Variants in WDR25 observed in about 807,000 individuals in gnomAD.
The protein encoded by WDR25 is WD repeat domain 25.
Under a neutral mutation model 47.7 loss-of-function variants are expected in WDR25, and 35 were observed. That is an observed-to-expected ratio of 0.73 (90% CI 0.56 to 0.97). The LOEUF (loss-of-function observed/expected upper bound fraction) is 0.97, where lower values mean the gene tolerates loss of function less well. WDR25 is among the 50% of genes least tolerant of loss of function. WDR25 has a pLI of 0.00. For synonymous variants in WDR25, 248 were observed against 278.9 expected (o/e 0.89, Z 1.10); for missense variants, 634 against 704.7 (o/e 0.90, Z 1.14).
At chr14:100,508,133 A>G (rs1901179859) in intron 4 of WDR25, among the ~76,000 whole-genome samples, 1 of 152,238 alleles carries the variant, frequency 6.6e-6, no homozygotes. Flanking sequence ...GTGAATCAAC[A>G]AATGTGATTC....
intron 2 of WDR25, among the ~76,000 whole-genome samples, chr14:100,412,759 C>G (rs1897747981): frequency 6.6e-6 from 1 of 152,106 alleles, no homozygotes; most frequent in Non-Finnish European, 1.5e-5. Context: ...CAGGCCAGAT[C>G]ACGAAAGGCC....
At chr14:100,378,588 A>G (rs1293230149) in intron 1 of WDR25, among the ~76,000 whole-genome samples, 1 of 152,130 alleles carries the variant, frequency 6.6e-6, no homozygotes, top group Admixed American at 6.5e-5. Context: ...GTAGACGGAC[A>G]CCTCAGGACC....
Position 100,392,016 on chromosome 14 carries a change from C to G in WDR25, c.822+10270C>G, listed in dbSNP as rs1897157169. 6.6e-6 allele frequency among the ~76,000 whole-genome samples: 1 copy of G among 152,134 alleles called. No homozygotes were observed. Among genetic ancestry groups the G allele is most frequent in the African/African-American group, 2.4e-5 (1 of 41,430 alleles). The stretch of plus-strand genomic sequence containing the variant: ...AGATCTGCAAAAATGTAAACAATGC[C>G]TTCTTACTAATTTTTCTTGGTCTTG... On this transcript the variant is annotated intron_variant, in intron 2 of 6. Transcript: ENST00000402312. This position sits in a 1 kb window ranked among gnomAD's most constrained non-coding sequence, Gnocchi z 4.2.
At position 100,379,390 on chromosome 14, in the gene WDR25, C is replaced by CTTTTTTTTTTTTT. The variant is rs148841833; in HGVS notation, c.-15-1517_-15-1505dup. Among the ~76,000 whole-genome samples the CTTTTTTTTTTTTT allele has an allele frequency of 3.0e-5, 4 of 135,450 alleles. No homozygotes were observed. In the East Asian group the frequency reaches 6.4e-4, roughly 22 times the overall value. 88.9% of individuals were successfully genotyped at this position (135,450 alleles called of 152,430 possible). A position where few individuals can be genotyped will look rare whatever the true frequency, so the allele number is the denominator to read the frequency against. On this transcript the variant is annotated intron_variant, in intron 1 of 6. Coordinates refer to ENST00000402312, the MANE Select transcript of WDR25 (RefSeq NM_001161476.3). Reference sequence around the variant, plus strand: ...GTCTCTTCAGGTCTTCTTTTTTTTTCTTTTTTTTTTTTTTTGAGATGGAGT... The same window carrying CTTTTTTTTTTTTT: ...GTCTCTTCAGGTCTTCTTTTTTTTTCTTTTTTTTTTTTTTTTTTTTTTTTTTTTGAGATGGAGT...
chr14:100,383,042 C>T (rs1896941402), intron 2 of WDR25, among the ~76,000 whole-genome samples: 2 of 152,188 alleles, frequency 1.3e-5, no homozygotes, highest in Non-Finnish European at 2.9e-5. Flanking sequence ...GAGCTTTTCT[C>T]CCTCGGAAAC....
Position 100,468,775 on chromosome 14 carries a change from C to CTGTGG in WDR25, c.970+607_970+608insTGTGG, listed in dbSNP as rs1255180616. On this transcript the variant is annotated intron_variant, in intron 3 of 6. Transcript: ENST00000402312. This position sits in a 1 kb window ranked among gnomAD's most constrained non-coding sequence, Gnocchi z 4.5. ...TCAATACCCACCGCAGCCACAGCCCCCAGGTGGGCTCTCTCCGGGGTTTAC... is the reference window on the plus strand; with the variant it reads ...TCAATACCCACCGCAGCCACAGCCCCTGTGGCAGGTGGGCTCTCTCCGGGGTTTAC... 9.9e-5 allele frequency among the ~76,000 whole-genome samples: 15 copies of CTGTGG among 152,088 alleles called. No homozygotes were observed. Among genetic ancestry groups the CTGTGG allele is most frequent in the African/African-American group, 3.6e-4 (15 of 41,392 alleles).
At chr14:100,519,715 T>C (rs1373113776) in intron 4 of WDR25, among the ~76,000 whole-genome samples, 1 of 142,174 alleles carries the variant, frequency 7.0e-6, no homozygotes, top group Non-Finnish European at 1.5e-5. Flanking sequence ...ATATATAGTG[T>C]ATATATACTA....
At chr14:100,397,304 A>G (rs963514957) in intron 2 of WDR25, among the ~76,000 whole-genome samples, 1 of 152,206 alleles carries the variant, frequency 6.6e-6, no homozygotes, top group African/African-American at 2.4e-5. Context: ...TCTGTAACAA[A>G]ATCTGTTTCT....
rs530620704 is a variant in WDR25, at chr14:100,440,640, T to C, written c.823-27381T>C. ...GCTATACGCATCCTTCCAGGCAACC[T>C]TCACCTTCTGGTCTATTTAGTCTCA... On this transcript the variant is annotated intron_variant, in intron 2 of 6. Transcript: ENST00000402312. The surrounding 1 kb of genome is among the most constrained non-coding windows in gnomAD (Gnocchi z 4.4). 6.6e-6 allele frequency among the ~76,000 whole-genome samples: 1 copy of C among 152,376 alleles called. No homozygotes were observed. The highest frequency in any genetic ancestry group is 1.5e-5 in the Non-Finnish European group (1 of 68,030).
chr14:100,390,880 T>A (rs905011764), intron 2 of WDR25, among the ~76,000 whole-genome samples: 1 of 152,226 alleles, frequency 6.6e-6, no homozygotes, highest in African/African-American at 2.4e-5. Flanking sequence ...AATTTAATGG[T>A]GTCTTGTTTG....
At chr14:100,376,594 G>T (rs924193504) in intron 1 of WDR25, 99 bp downstream of exon 1, 1 of 1,231,930 alleles carries the variant, frequency 8.1e-7, no homozygotes, top group African/African-American at 1.5e-5. Context: ...ATAGCCGCTC[G>T]CCTTCCTTTC....
rs1293818914 is a variant in WDR25, at chr14:100,468,726, A to G, written c.970+558A>G. ...TCAGTGGAAGGAACTTTCCTTACTC[A>G]GCGCTCCTGTGCAACAGGCACTGTC... is the stretch of plus-strand genomic sequence containing the variant. On this transcript the variant is annotated intron_variant, in intron 3 of 6. Coordinates refer to ENST00000402312, the MANE Select transcript of WDR25 (RefSeq NM_001161476.3). This position sits in a 1 kb window ranked among gnomAD's most constrained non-coding sequence, Gnocchi z 4.5. Among the ~76,000 whole-genome samples the G allele has an allele frequency of 1.3e-5, 2 of 152,038 alleles. No individual in the cohort carries two copies. The highest frequency in any genetic ancestry group is 4.8e-5 in the African/African-American group (2 of 41,384).
chr14:100,416,994 C>G (rs73343558), intron 2 of WDR25, among the ~76,000 whole-genome samples: 3,725 of 152,296 alleles, frequency 0.024, 164 homozygotes, highest in African/African-American at 0.086. Flanking sequence ...TGAGATCTTG[C>G]GTGGATGATT....
intron 2 of WDR25, among the ~76,000 whole-genome samples, chr14:100,391,784 A>T (rs1459157092): frequency 1.3e-5 from 2 of 152,238 alleles, no homozygotes; most frequent in Non-Finnish European, 2.9e-5. Flanking sequence ...TGTGGTCTCC[A>T]AATCCCTGGG....
At chr14:100,408,752 C>G (rs1428233697) in intron 2 of WDR25, among the ~76,000 whole-genome samples, 1 of 152,196 alleles carries the variant, frequency 6.6e-6, no homozygotes, top group Non-Finnish European at 1.5e-5. Context: ...GAAGAGTACG[C>G]AGACCTTCCG....
chr14:100,492,481 A>G (rs1259106974), intron 4 of WDR25, among the ~76,000 whole-genome samples: 1 of 152,092 alleles, frequency 6.6e-6, no homozygotes, highest in Non-Finnish European at 1.5e-5. Context: ...ATTAACACCC[A>G]CCCCACTTGA....
At chr14:100,471,940 G>A (rs1209912160) in intron 3 of WDR25, among the ~76,000 whole-genome samples, 1 of 152,220 alleles carries the variant, frequency 6.6e-6, no homozygotes, top group Non-Finnish European at 1.5e-5. Flanking sequence ...GGCTGAGGTG[G>A]CCTCAGGGAA....
intron 4 of WDR25, among the ~76,000 whole-genome samples, chr14:100,511,753 C>T (rs1194266945): frequency 6.6e-6 from 1 of 152,124 alleles, no homozygotes; most frequent in East Asian, 1.9e-4. Context: ...GTACATGTCC[C>T]TATCAGTTTG....
At chr14:100,413,356 C>A (rs1897765447) in intron 2 of WDR25, among the ~76,000 whole-genome samples, 1 of 152,102 alleles carries the variant, frequency 6.6e-6, no homozygotes, top group Non-Finnish European at 1.5e-5. Context: ...CCCAGGCAGC[C>A]ACAGATCTGC....
Sources: gnomAD v4.1 joint callset for allele counts (sites outside exome capture counted in the v4.1 genomes callset) on GRCh38, gnomAD v4.1.1 for gene constraint, Gnocchi (gnomAD v3.1) non-coding constraint, MANE v1.5 for transcripts, NCBI Gene and HGNC (gene_info 2026-07-23, HGNC 2026-07-21) for gene names.